RBFOX1: variants seen among roughly 807,000 people sequenced by gnomAD.
The protein encoded by RBFOX1 is RNA binding protein fox-1 homolog 1.
Under a neutral mutation model 57.7 loss-of-function variants are expected in RBFOX1, and 8 were observed. That is an observed-to-expected ratio of 0.14 (90% CI 0.08 to 0.25). The LOEUF (loss-of-function observed/expected upper bound fraction) is 0.25. Among genes scored for constraint, RBFOX1 ranks in the 10% least tolerant of loss-of-function variants. The pLI, the probability that RBFOX1 is intolerant of heterozygous loss-of-function variation, is 1.00. For synonymous variants in RBFOX1, 326 were observed against 222.4 expected (o/e 1.47, Z -4.15); for missense variants, 611 against 548.5 (o/e 1.11, Z -1.14).
At position 6,460,457 on chromosome 16, in the gene RBFOX1, C is replaced by CAA. The variant is rs56761805; in HGVS notation, c.-64+143409_-64+143410dup. Among the ~76,000 whole-genome samples the CAA allele has an allele frequency of 3.2e-4, 48 of 147,960 alleles. No homozygotes were observed. In the Middle Eastern group the frequency reaches 0.011, roughly 33 times the overall value. ...GCAAAGGCTATGAACAGACACTTCTCAAAAAAAAAACATACATGCGGCCAA... is the reference window on the plus strand; with the variant it reads ...GCAAAGGCTATGAACAGACACTTCTCAAAAAAAAAAAACATACATGCGGCCAA... On this transcript the variant is annotated intron_variant, in intron 2 of 15. Transcript: ENST00000550418.
chr16:6,657,775 G>T (rs1050505798), intron 3 of RBFOX1, among the ~76,000 whole-genome samples: 3 of 152,110 alleles, frequency 2.0e-5, no homozygotes, highest in African/African-American at 4.8e-5. Flanking sequence ...GGATTTTTAC[G>T]ACTGTTGAGA....
At chr16:5,875,187 C>G (rs1305713443) in intron 4 of RBFOX1, among the ~76,000 whole-genome samples, 1 of 152,210 alleles carries the variant, frequency 6.6e-6, no homozygotes, top group Non-Finnish European at 1.5e-5. Flanking sequence ...GTCCCAAGCA[C>G]TGCATTATCT....
At chr16:5,835,251 C>A (rs185262164) in intron 3 of RBFOX1, among the ~76,000 whole-genome samples, 1 of 152,156 alleles carries the variant, frequency 6.6e-6, no homozygotes, top group Admixed American at 6.5e-5. Context: ...CGTGACAATA[C>A]TCGGCTGGGC....
rs115727391 is a variant in RBFOX1, at chr16:5,960,416, C to T, written c.351+93081C>T. On this transcript the variant is annotated intron_variant, in intron 4 of 19. Transcript: ENST00000641259. ...TCACATTACCACCAGCCCCATGCCC[C>T]TCCCAAATTCCATTTTTTATGTTCC... 1.3e-3 allele frequency among the ~76,000 whole-genome samples: 200 copies of T among 152,238 alleles called. 1 individual carries two copies. Among genetic ancestry groups the T allele is most frequent in the African/African-American group, 4.7e-3 (195 of 41,550 alleles).
chr16:5,430,801 A>G (rs377439611), intron 1 of RBFOX1, among the ~76,000 whole-genome samples: 8 of 152,224 alleles, frequency 5.3e-5, no homozygotes, highest in Non-Finnish European at 1.0e-4. Context: ...GTATTTTGCA[A>G]TAGTCTTTAC....
intron 2 of RBFOX1, among the ~76,000 whole-genome samples, chr16:6,522,422 G>A (rs558481286): frequency 5.9e-5 from 9 of 152,168 alleles, no homozygotes; most frequent in South Asian, 4.1e-4. Flanking sequence ...TAATGCCATC[G>A]TATTGGGAAG....
At chr16:5,388,283 T>G (rs2066309098) in intron 1 of RBFOX1, among the ~76,000 whole-genome samples, 1 of 152,070 alleles carries the variant, frequency 6.6e-6, no homozygotes, top group Non-Finnish European at 1.5e-5. Context: ...GCACATCCCT[T>G]GGTTGGGTTG....
intron 3 of RBFOX1, among the ~76,000 whole-genome samples, chr16:6,769,614 G>T (rs1223040052): frequency 1.3e-5 from 2 of 152,146 alleles, no homozygotes; most frequent in East Asian, 3.9e-4. Context: ...CTTCTCTATG[G>T]CATCTCCAAA....
At chr16:7,394,928 C>G (rs998180039) in intron 4 of RBFOX1, among the ~76,000 whole-genome samples, 3 of 152,154 alleles carry the variant, frequency 2.0e-5, no homozygotes, top group African/African-American at 7.2e-5. Flanking sequence ...ATAAATAAGG[C>G]TGTTATGCAC....
At chr16:6,453,194 C>G (rs1231470943) in intron 2 of RBFOX1, among the ~76,000 whole-genome samples, 1 of 152,090 alleles carries the variant, frequency 6.6e-6, no homozygotes, top group Non-Finnish European at 1.5e-5. Flanking sequence ...ACACATGCCA[C>G]AGTGGTTTGC....
chr16:7,088,354 A>G (rs1189627543), intron 4 of RBFOX1, among the ~76,000 whole-genome samples: 2 of 152,148 alleles, frequency 1.3e-5, no homozygotes, highest in Non-Finnish European at 2.9e-5. Flanking sequence ...CTCTCTCACA[A>G]GTGACTACTT....
chr16:7,464,221 C>G (rs1444155412), intron 4 of RBFOX1, among the ~76,000 whole-genome samples: 1 of 152,154 alleles, frequency 6.6e-6, no homozygotes, highest in Non-Finnish European at 1.5e-5. Flanking sequence ...TGTGTGTGCA[C>G]CTGTGCACCT....
chr16:5,362,640 G>A (rs1303059184), intron 1 of RBFOX1, among the ~76,000 whole-genome samples: 1 of 152,170 alleles, frequency 6.6e-6, no homozygotes. Flanking sequence ...GGGATTGCAG[G>A]CGTGAGCCAC....
At chr16:6,023,694 G>A (rs1350498381) in intron 1 of RBFOX1, among the ~76,000 whole-genome samples, 1 of 152,182 alleles carries the variant, frequency 6.6e-6, no homozygotes, top group African/African-American at 2.4e-5. Context: ...ACCCAGCATG[G>A]GAGTTACACA....
intron 1 of RBFOX1, among the ~76,000 whole-genome samples, chr16:5,444,415 A>G (rs2068179168): frequency 6.6e-6 from 1 of 152,246 alleles, no homozygotes; most frequent in Non-Finnish European, 1.5e-5. Flanking sequence ...GAATGATCGG[A>G]AAGACAGTTG....
Position 7,321,047 on chromosome 16 carries a change from G to C in RBFOX1, c.28-197100G>C, listed in dbSNP as rs1332224735. The stretch of plus-strand genomic sequence containing the variant: ...TTTTATTAGTAAACTGGAGACCAGA[G>C]AAATTATCTATCTATCTGTCTATCT... On this transcript the variant is annotated intron_variant, in intron 4 of 15. Coordinates refer to ENST00000550418, the MANE Select transcript of RBFOX1 (RefSeq NM_018723.4). Among the ~76,000 whole-genome samples, 4 of 135,296 alleles carry C rather than the reference G, an allele frequency of 3.0e-5. No homozygotes were observed. In the East Asian group the frequency reaches 6.3e-4, roughly 21 times the overall value. The allele number at this position is 135,296 out of a possible 152,430, so 88.8% of individuals were successfully genotyped here. A position where few individuals can be genotyped will look rare whatever the true frequency, so the allele number is the denominator to read the frequency against.
chr16:5,545,243 G>T (rs1180014073), intron 2 of RBFOX1, among the ~76,000 whole-genome samples: 2 of 152,074 alleles, frequency 1.3e-5, no homozygotes, highest in Non-Finnish European at 2.9e-5. Flanking sequence ...CTCCCAAAGT[G>T]CTGGGATTAC....
intron 2 of RBFOX1, among the ~76,000 whole-genome samples, chr16:5,492,046 C>T (rs1300805152): frequency 1.3e-5 from 2 of 152,156 alleles, no homozygotes; most frequent in Admixed American, 1.3e-4. Context: ...TCAGCGTTGC[C>T]TGGGAGCTTG....
At chr16:5,889,339 G>C (rs999470578) in intron 4 of RBFOX1, among the ~76,000 whole-genome samples, 6 of 152,088 alleles carry the variant, frequency 3.9e-5, no homozygotes, top group African/African-American at 1.4e-4. Context: ...TTCTTTTCTT[G>C]TGTTAGTTGG....
Sources: gnomAD v4.1 joint callset for allele counts (sites outside exome capture counted in the v4.1 genomes callset) on GRCh38, gnomAD v4.1.1 for gene constraint, MANE v1.5 for transcripts, NCBI Gene and HGNC (gene_info 2026-07-23, HGNC 2026-07-21) for gene names.